The following UNC5A variants were observed in gnomAD, a reference collection of about 807,000 sequenced individuals.
The protein encoded by UNC5A is unc-5 netrin receptor A.
Under a neutral mutation model 87.4 loss-of-function variants are expected in UNC5A, and 20 were observed. That is an observed-to-expected ratio of 0.23 (90% CI 0.16 to 0.33). The LOEUF is 0.33. Ranked by LOEUF, UNC5A falls within the 10% of genes least tolerant of loss-of-function variation. The pLI, the probability that UNC5A is intolerant of heterozygous loss-of-function variation, is 1.00. For missense variants in UNC5A, 844 were observed against 1,133.4 expected (o/e 0.74, Z 3.67); for synonymous variants, 438 against 482.3 (o/e 0.91, Z 1.20).
At chr5:176,879,178 T>C (rs1347567879) in intron 13 of UNC5A, 132 bp from the exon 14 acceptor site, 17 of 1,111,614 alleles carry the variant, frequency 1.5e-5, no homozygotes, top group Non-Finnish European at 2.2e-5. Context: ...ACATGGGAGG[T>C]GCCCAGGAAG....
At chr5:176,858,325 T>C (rs1388767156) in intron 1 of UNC5A, among the ~76,000 whole-genome samples, 6 of 152,076 alleles carry the variant, frequency 3.9e-5, no homozygotes, top group Non-Finnish European at 5.9e-5. Context: ...ACATTGGAGC[T>C]GAGCCCTGGA....
chr5:176,880,008 C>T lies in UNC5A; in HGVS notation c.*122C>T. 14 of 1,308,682 alleles carry T rather than the reference C, an allele frequency of 1.1e-5. No individual in the cohort carries two copies. The highest frequency in any genetic ancestry group is 2.6e-5 in the East Asian group (1 of 39,010). The allele number at this position is 1,308,682 out of a possible 1,614,324, so 81.1% of individuals were successfully genotyped here. A position where few individuals can be genotyped will look rare whatever the true frequency, so the allele number is the denominator to read the frequency against. On this transcript the variant is annotated 3_prime_UTR_variant, in exon 15 of 15. Transcript: ENST00000329542. ...CTGCTCGGACAGGCCCCCTCCCGGC[C>T]GAAGCTGTCCCTTAATGCTGGTCCT... is the stretch of plus-strand genomic sequence containing the variant.
In UNC5A at chr5:176,874,282, C is replaced by A; in HGVS notation, c.1094C>A (p.Thr365Asn). 1 of 1,595,460 alleles carries A rather than the reference C, an allele frequency of 6.3e-7. No individual in the cohort carries two copies. The highest frequency in any genetic ancestry group is 1.1e-5 in the South Asian group (1 of 88,266). Residue 365 changes from threonine to asparagine, a missense_variant, in exon 8 of 15, where the codon ACC becomes AAC. By Grantham distance (65) the Thr-to-Asn change is moderately conservative. Around this residue, in one of 3 missense-constraint regions of UNC5A, gnomAD observed 353 missense variants for 387.5 expected, o/e 0.91. Transcript: ENST00000329542. This position sits in a 1 kb window ranked among gnomAD's most constrained non-coding sequence, Gnocchi z 7.6. ...CCTGCAGACAACCCCCATCTGCTCA[C>A]CATCCAGCCGGACCTCAGCACCACC... ...PSKADNPHLL[T>N]IQPDLSTTTT... is the part of the protein sequence containing the mutation.
chr5:176,843,172 AAAAGAAAGAAAGAAAG>A (rs201596079), intron 1 of UNC5A, among the ~76,000 whole-genome samples: 1 of 148,184 alleles, frequency 6.7e-6, no homozygotes, highest in Non-Finnish European at 1.5e-5. Flanking sequence ...AAAAAAAAAA[AAAAGAAAGAAAGAAAG>A]AAAGAAAAAA....
At chr5:176,868,701 C>T in intron 4 of UNC5A, 37 bp downstream of exon 4, 1 of 1,590,150 alleles carries the variant, frequency 6.3e-7, no homozygotes. Context: ...TGGACCTGGG[C>T]TCCTGCCTGG....
At chr5:176,864,802 C>T (rs1044667315) in intron 2 of UNC5A, 5 of 455,956 alleles carry the variant, frequency 1.1e-5, no homozygotes, top group African/African-American at 8.0e-5. Context: ...TCCAGCTCTA[C>T]CTCCTACCCT....
chr5:176,816,954 G>A (rs1463552942), intron 1 of UNC5A, among the ~76,000 whole-genome samples: 5 of 152,244 alleles, frequency 3.3e-5, no homozygotes, highest in Non-Finnish European at 7.3e-5. Context: ...TTCTTGTCAT[G>A]CAAGGGCAGG....
intron 9 of UNC5A, 67 bp from the exon 10 acceptor site, chr5:176,877,468 C>T: frequency 6.6e-7 from 1 of 1,522,382 alleles, no homozygotes; most frequent in Non-Finnish European, 8.9e-7. Flanking sequence ...TGCCCTTGGC[C>T]TAGCCCTCAG....
chr5:176,852,315 C>G (rs1757564005), intron 1 of UNC5A, among the ~76,000 whole-genome samples: 1 of 151,816 alleles, frequency 6.6e-6, no homozygotes, highest in Non-Finnish European at 1.5e-5. Flanking sequence ...CACACAGAAA[C>G]ACACACATAT....
chr5:176,864,315 G>A (rs1757919028), intron 2 of UNC5A, among the ~76,000 whole-genome samples: 1 of 152,234 alleles, frequency 6.6e-6, no homozygotes, highest in Admixed American at 6.5e-5. Context: ...GCAGGCAGCA[G>A]TGGCCAGGAG....
chr5:176,811,303 C>T (rs923717117), intron 1 of UNC5A, among the ~76,000 whole-genome samples: 14 of 152,232 alleles, frequency 9.2e-5, no homozygotes, highest in African/African-American at 3.1e-4. Context: ...CCTCTGCCCA[C>T]GTCCAGAACA....
At position 176,877,923 on chromosome 5, in the gene UNC5A, C is replaced by A; in HGVS notation, c.1665C>A (p.Pro555=). The A allele has an allele frequency of 6.2e-7, 1 of 1,602,916 alleles. No homozygotes were observed. The highest frequency in any genetic ancestry group is 8.5e-7 in the Non-Finnish European group (1 of 1,179,646). ...EDVLHLGEEA[P]SHLYYCQLEA... ...TGCTGCACCTGGGCGAGGAGGCGCC[C>A]TCCCACCTCTACTACTGCCAGCTGG... The change falls in exon 11 of 15, where the codon CCC becomes CCA. Residue 555 remains proline (P), a synonymous_variant. Coordinates refer to ENST00000329542, the MANE Select transcript of UNC5A (RefSeq NM_133369.3).
Position 176,879,202 on chromosome 5 carries a change from G to A in UNC5A, c.2185-108G>A, listed in dbSNP as rs144463987. ...GTGCCCAGGAAGTACCAGTGCTCATGCCGCCCCCATGCTCTGGGGGAGTCT... is the reference window on the plus strand; with the variant it reads ...GTGCCCAGGAAGTACCAGTGCTCATACCGCCCCCATGCTCTGGGGGAGTCT... On this transcript the variant is annotated intron_variant, in intron 13 of 14. Coordinates refer to ENST00000329542, the MANE Select transcript of UNC5A (RefSeq NM_133369.3). 2.1e-4 allele frequency: 283 copies of A among 1,353,540 alleles called. No individual in the cohort carries two copies. In the African/African-American group the frequency reaches 3.5e-3, roughly 17 times the overall value. 83.8% of individuals were successfully genotyped at this position (1,353,540 alleles called of 1,614,324 possible).
chr5:176,811,725 G>A (rs557338872), intron 1 of UNC5A, among the ~76,000 whole-genome samples: 121 of 152,148 alleles, frequency 8.0e-4, no homozygotes, highest in African/African-American at 2.7e-3. Context: ...TGAGTTGAGC[G>A]TATGTGTCTG....
intron 1 of UNC5A, among the ~76,000 whole-genome samples, chr5:176,835,036 T>G (rs1439693310): frequency 6.6e-6 from 1 of 152,184 alleles, no homozygotes; most frequent in African/African-American, 2.4e-5. Flanking sequence ...AGCCACAAGC[T>G]CCATGAAAGC....
At position 176,848,181 on chromosome 5, in the gene UNC5A, G is replaced by A. The variant is rs1581259457; in HGVS notation, c.71-14443G>A. 6.6e-6 allele frequency among the ~76,000 whole-genome samples: 1 copy of A among 151,454 alleles called. No homozygotes were observed. Among genetic ancestry groups the A allele is most frequent in the Non-Finnish European group, 1.5e-5 (1 of 67,872 alleles). On this transcript the variant is annotated intron_variant, in intron 1 of 14. Transcript: ENST00000329542. The surrounding 1 kb of genome is among the most constrained non-coding windows in gnomAD (Gnocchi z 5.8). Reference sequence around the variant, plus strand: ...GCCTCATTTCCACGTTAGCACCACCGCCCCCCGCACCCAGATCCCTCCGCC... The same window carrying A: ...GCCTCATTTCCACGTTAGCACCACCACCCCCCGCACCCAGATCCCTCCGCC...
intron 1 of UNC5A, among the ~76,000 whole-genome samples, chr5:176,851,436 G>A (rs1005353308): frequency 2.6e-5 from 4 of 152,242 alleles, no homozygotes; most frequent in Non-Finnish European, 5.9e-5. Flanking sequence ...CCCGGCCCCA[G>A]CTCTGGCGGG....
chr5:176,816,763 A>G (rs563408747), intron 1 of UNC5A, among the ~76,000 whole-genome samples: 1 of 152,366 alleles, frequency 6.6e-6, no homozygotes, highest in African/African-American at 2.4e-5. Flanking sequence ...TGGGCACTCA[A>G]TACACGTTAG....
rs1756426325 is a variant in UNC5A, at chr5:176,810,668, TG to T, written c.-79del. ...CATGGGCCCCGGGGGCGCCCCGAGC[TG>T]GGGCTCCGGGCTGAGGCGCTAAAGC... On this transcript the variant is annotated 5_prime_UTR_variant, in exon 1 of 15. It introduces an in-frame stop codon into an upstream open reading frame of the 5' UTR. Coordinates refer to ENST00000329542, the MANE Select transcript of UNC5A (RefSeq NM_133369.3). This position sits in a 1 kb window ranked among gnomAD's most constrained non-coding sequence, Gnocchi z 7.3. The T allele has an allele frequency of 8.6e-6, 4 of 467,272 alleles. No individual in the cohort carries two copies. The highest frequency in any genetic ancestry group is 8.4e-6 in the Non-Finnish European group (3 of 356,200). 28.9% of individuals were successfully genotyped at this position (467,272 alleles called of 1,614,324 possible).
Sources: allele counts gnomAD v4.1 joint callset (sites outside exome capture counted in the v4.1 genomes callset), GRCh38; gene constraint gnomAD v4.1.1; regional missense constraint gnomAD v4.1.1; non-coding constraint Gnocchi (gnomAD v3.1); transcripts MANE v1.5; gene names NCBI Gene and HGNC (gene_info 2026-07-23, HGNC 2026-07-21).